The following TMCC2 variants were observed in gnomAD, a reference collection of about 807,000 sequenced individuals.
The protein encoded by TMCC2 is transmembrane and coiled-coil domains protein 2.
In TMCC2, 16 loss-of-function variants were observed where a neutral mutation model predicts 49.4. The ratio of observed to expected loss-of-function variants is 0.32; its 90% CI spans 0.22 to 0.49. The LOEUF (loss-of-function observed/expected upper bound fraction) is 0.49, where lower values mean the gene tolerates loss of function less well. Among genes scored for constraint, TMCC2 ranks in the 20% least tolerant of loss-of-function variants. TMCC2 has a pLI of 0.99. For synonymous variants in TMCC2, 397 were observed against 434.1 expected (o/e 0.91, Z 1.06); for missense variants, 762 against 989.8 (o/e 0.77, Z 3.09).
At chr1:205,231,875 A>C (rs1406326593) in intron 1 of TMCC2, among the ~76,000 whole-genome samples, 1 of 152,158 alleles carries the variant, frequency 6.6e-6, no homozygotes, top group East Asian at 1.9e-4. Context: ...CTGTTTTCTC[A>C]TGACAGCTCC....
chr1:205,268,606 T>C (rs1399963146), intron 2 of TMCC2, among the ~76,000 whole-genome samples: 2 of 152,176 alleles, frequency 1.3e-5, no homozygotes, highest in Non-Finnish European at 2.9e-5. Context: ...AGAGCGAGAC[T>C]GTGTCTCAAA....
At chr1:205,263,224 A>G (rs893621605) in intron 2 of TMCC2, among the ~76,000 whole-genome samples, 3 of 152,022 alleles carry the variant, frequency 2.0e-5, no homozygotes, top group African/African-American at 7.3e-5. Context: ...ATTAAGGGTT[A>G]CCTCCAGTGA....
intron 2 of TMCC2, among the ~76,000 whole-genome samples, chr1:205,257,648 C>T (rs550273329): frequency 6.6e-6 from 1 of 152,224 alleles, no homozygotes; most frequent in East Asian, 1.9e-4. Context: ...CTATGTGGCA[C>T]TTCAGCTGGG....
intron 1 of TMCC2, chr1:205,233,904 G>C (rs1218486666): frequency 2.0e-5 from 3 of 151,744 alleles, no homozygotes; most frequent in African/African-American, 7.3e-5. Context: ...AGAGTGGAGA[G>C]TTTCTTCATT....
At chr1:205,265,868 ATTTTCTAGATAT>A (rs1222718279) in intron 2 of TMCC2, among the ~76,000 whole-genome samples, 2 of 149,826 alleles carry the variant, frequency 1.3e-5, no homozygotes, top group South Asian at 2.1e-4. Context: ...CCCAGAACCC[ATTTTCTAGATAT>A]TCTTTCTCCC....
chr1:205,260,968 A>G (rs904002318), intron 2 of TMCC2, among the ~76,000 whole-genome samples: 6 of 152,094 alleles, frequency 3.9e-5, no homozygotes, highest in African/African-American at 1.4e-4. Context: ...GGCTATTGTG[A>G]ATATTGCTGC....
At chr1:205,247,460 T>C (rs1484157791) in intron 2 of TMCC2, among the ~76,000 whole-genome samples, 1 of 152,180 alleles carries the variant, frequency 6.6e-6, no homozygotes, top group East Asian at 1.9e-4. Flanking sequence ...ATAGATTTCC[T>C]GACCTGGAGC....
chr1:205,257,911 C>T (rs556599368), intron 2 of TMCC2, among the ~76,000 whole-genome samples: 2 of 152,212 alleles, frequency 1.3e-5, no homozygotes, highest in African/African-American at 2.4e-5. Context: ...TGTGAGGAGA[C>T]GAGGAGGGTG....
chr1:205,260,550 G>A (rs1661062988), intron 2 of TMCC2, among the ~76,000 whole-genome samples: 1 of 152,232 alleles, frequency 6.6e-6, no homozygotes, highest in South Asian at 2.1e-4. Flanking sequence ...GGTGGGAGCT[G>A]TGGCCCAGGC....
At chr1:205,266,259 A>G (rs1384691064) in intron 2 of TMCC2, among the ~76,000 whole-genome samples, 1 of 149,418 alleles carries the variant, frequency 6.7e-6, no homozygotes, top group East Asian at 2.0e-4. Context: ...AAAAAAAAAA[A>G]AAGTTCTGTA....
chr1:205,230,062 A>G, intron 1 of TMCC2: 5 of 985,462 alleles, frequency 5.1e-6, no homozygotes, highest in Non-Finnish European at 4.8e-6. Context: ...TGTTGCATTT[A>G]ATAAAGCCTA....
rs868789202 is a variant in TMCC2 at position 205,229,573 on chromosome 1, G to T, written c.207+802G>T. On this transcript the variant is annotated intron_variant, in intron 1 of 4. Coordinates refer to ENST00000358024, the MANE Select transcript of TMCC2 (RefSeq NM_014858.4). The stretch of plus-strand genomic sequence containing the variant: ...GGGGGGGGGGGTGGTGGCGGGGGCG[G>T]GGGGGGAAGGTGGATTTCCTGCCGT... 126 of 925,686 alleles carry T rather than the reference G, an allele frequency of 1.4e-4. No individual in the cohort carries two copies. The Middle Eastern group carries it at 1.7e-3, about 12-fold the overall frequency. 57.3% of individuals were successfully genotyped at this position (925,686 alleles called of 1,614,324 possible). A position where few individuals can be genotyped will look rare whatever the true frequency, so the allele number is the denominator to read the frequency against.
At chr1:205,258,123 G>C (rs961900159) in intron 2 of TMCC2, among the ~76,000 whole-genome samples, 6 of 152,138 alleles carry the variant, frequency 3.9e-5, no homozygotes, top group African/African-American at 1.2e-4. Context: ...CACAGGAGGT[G>C]GCAGGTGGAA....
At chr1:205,266,925 G>T (rs564609242) in intron 2 of TMCC2, among the ~76,000 whole-genome samples, 26 of 152,348 alleles carry the variant, frequency 1.7e-4, no homozygotes, top group African/African-American at 6.0e-4. Context: ...TGCTGTCACT[G>T]CAGGGAACAA....
At chr1:205,233,220 A>G (rs981337028) in intron 1 of TMCC2, among the ~76,000 whole-genome samples, 1 of 152,156 alleles carries the variant, frequency 6.6e-6, no homozygotes, top group African/African-American at 2.4e-5. Flanking sequence ...GACTTCCCCT[A>G]AGGTTCTCTT....
intron 2 of TMCC2, among the ~76,000 whole-genome samples, chr1:205,243,738 T>TCCAGCTAGGGAGGA (rs1660357678): frequency 6.6e-6 from 1 of 152,184 alleles, no homozygotes; most frequent in Admixed American, 6.5e-5. Context: ...TTGGGAGCTG[T>TCCAGCTAGGGAGGA]CCAGCTAGGG....
chr1:205,234,215 A>C (rs1659929993), intron 1 of TMCC2: 1 of 152,026 alleles, frequency 6.6e-6, no homozygotes, highest in African/African-American at 2.4e-5. Flanking sequence ...GGAGGCCGAG[A>C]TGGGTGGATC....
chr1:205,238,982 G>A (rs1450565126), intron 1 of TMCC2, among the ~76,000 whole-genome samples: 8 of 152,172 alleles, frequency 5.3e-5, no homozygotes, highest in Non-Finnish European at 1.5e-5. Context: ...AGGATTTTAG[G>A]CTCCAAGGCA....
chr1:205,237,988 T>G (rs1202642440), intron 1 of TMCC2, among the ~76,000 whole-genome samples: 2 of 152,202 alleles, frequency 1.3e-5, no homozygotes, highest in African/African-American at 4.8e-5. Flanking sequence ...AAGCCCTGTT[T>G]GTTTGCCACC....
Sources: allele counts gnomAD v4.1 joint callset (sites outside exome capture counted in the v4.1 genomes callset), GRCh38; gene constraint gnomAD v4.1.1; transcripts MANE v1.5; gene names NCBI Gene and HGNC (gene_info 2026-07-23, HGNC 2026-07-21).